The following SBF2 variants were observed in gnomAD, a reference collection of about 807,000 sequenced individuals.
SBF2 encodes the protein SET binding factor 2.
SBF2 carries 112 observed loss-of-function variants against 225.2 expected under a neutral mutation model. That is an observed-to-expected ratio of 0.50 (90% CI 0.43 to 0.58). The LOEUF is 0.58. Among genes scored for constraint, SBF2 ranks in the 20% least tolerant of loss-of-function variants. The probability of loss-of-function intolerance (pLI) is 0.00; values close to 1 mark genes in which losing one functional copy is unlikely to be tolerated. For synonymous variants in SBF2, 763 were observed against 773.3 expected (o/e 0.99, Z 0.22); for missense variants, 1,996 against 2,206.2 (o/e 0.90, Z 1.91).
intron 2 of SBF2, among the ~76,000 whole-genome samples, chr11:10,087,403 A>G (rs546078988): frequency 5.9e-5 from 9 of 152,272 alleles, no homozygotes; most frequent in African/African-American, 2.2e-4. Context: ...CTGGTTGCTG[A>G]TTTTAACAAT....
intron 17 of SBF2, among the ~76,000 whole-genome samples, chr11:9,860,493 G>A (rs548713854): frequency 6.6e-6 from 1 of 152,018 alleles, no homozygotes; most frequent in African/African-American, 2.4e-5. Context: ...AGGTTGCAGT[G>A]AGATGAGATG....
intron 6 of SBF2, among the ~76,000 whole-genome samples, chr11:10,003,854 T>C (rs1029596989): frequency 7.9e-5 from 12 of 152,136 alleles, no homozygotes; most frequent in African/African-American, 2.9e-4. Flanking sequence ...TTCTCCTGTT[T>C]ATTACTGAAC....
At chr11:10,261,039 G>A (rs968839453) in intron 1 of SBF2, among the ~76,000 whole-genome samples, 2 of 152,038 alleles carry the variant, frequency 1.3e-5, no homozygotes, top group Non-Finnish European at 2.9e-5. Flanking sequence ...CTTCACCAAA[G>A]AGCAGAAGAA....
chr11:9,970,652 AAC>A (rs1322850940), intron 13 of SBF2, among the ~76,000 whole-genome samples: 1 of 152,210 alleles, frequency 6.6e-6, no homozygotes, highest in Non-Finnish European at 1.5e-5. Flanking sequence ...TAAGTGTCAA[AAC>A]ACATGGGTTC....
At chr11:10,050,204 GACAA>G (rs2134710888) in intron 2 of SBF2, among the ~76,000 whole-genome samples, 1 of 152,228 alleles carries the variant, frequency 6.6e-6, no homozygotes, top group East Asian at 1.9e-4. Flanking sequence ...TTTCAATAAG[GACAA>G]ACAAAATCCC....
At chr11:9,826,298 A>C (rs1029717032) in intron 28 of SBF2, among the ~76,000 whole-genome samples, 2 of 152,210 alleles carry the variant, frequency 1.3e-5, no homozygotes, top group Admixed American at 6.5e-5. Context: ...GAGAACACCT[A>C]GAGTGCTGGG....
At chr11:10,169,973 T>C (rs759892766) in intron 2 of SBF2, among the ~76,000 whole-genome samples, 4 of 152,244 alleles carry the variant, frequency 2.6e-5, no homozygotes, top group Non-Finnish European at 5.9e-5. Flanking sequence ...GCCATTCATA[T>C]GTCTTCCTTT....
chr11:10,119,484 T>C (rs1953328806), intron 2 of SBF2, among the ~76,000 whole-genome samples: 1 of 152,202 alleles, frequency 6.6e-6, no homozygotes, highest in Non-Finnish European at 1.5e-5. Context: ...TTAACTGTTC[T>C]TAGGCCACTG....
chr11:10,203,052 G>T (rs1462405500), intron 1 of SBF2, among the ~76,000 whole-genome samples: 1 of 151,770 alleles, frequency 6.6e-6, no homozygotes, highest in East Asian at 1.9e-4. Context: ...GCTGGGGTGG[G>T]GGGGTGAGAG....
intron 16 of SBF2, among the ~76,000 whole-genome samples, chr11:9,948,837 T>C (rs2134318594): frequency 6.6e-6 from 1 of 152,340 alleles, no homozygotes; most frequent in Middle Eastern, 3.4e-3. Flanking sequence ...TTTTCCATAT[T>C]TGTACTCACT....
intron 2 of SBF2, among the ~76,000 whole-genome samples, chr11:10,065,484 T>TA (rs546398240): frequency 5.9e-5 from 9 of 151,806 alleles, no homozygotes; most frequent in Non-Finnish European, 1.3e-4. Flanking sequence ...TTCTTTGAGA[T>TA]AAAAAAAACT....
At chr11:10,127,699 A>T (rs1284464253) in intron 2 of SBF2, among the ~76,000 whole-genome samples, 1 of 152,182 alleles carries the variant, frequency 6.6e-6, no homozygotes, top group East Asian at 1.9e-4. Context: ...TATCTACTGG[A>T]ATAAGACCGA....
chr11:10,166,986 C>T (rs1000526878), intron 2 of SBF2, among the ~76,000 whole-genome samples: 3 of 151,594 alleles, frequency 2.0e-5, no homozygotes, highest in Non-Finnish European at 4.4e-5. Context: ...CACACACACA[C>T]ACAAAAAGGC....
chr11:9,932,694 C>T (rs1864583819), intron 16 of SBF2, among the ~76,000 whole-genome samples: 1 of 151,988 alleles, frequency 6.6e-6, no homozygotes. Context: ...TTGTAAAGAC[C>T]ATCAATGTTA....
At chr11:10,111,272 C>A (rs1261187955) in intron 2 of SBF2, among the ~76,000 whole-genome samples, 1 of 150,104 alleles carries the variant, frequency 6.7e-6, no homozygotes, top group Admixed American at 6.7e-5. Context: ...AAGAAAATTT[C>A]CAGCCAAGAA....
chr11:10,064,386 C>G (rs972647982), intron 2 of SBF2, among the ~76,000 whole-genome samples: 1 of 151,928 alleles, frequency 6.6e-6, no homozygotes, highest in Non-Finnish European at 1.5e-5. Context: ...AAGGACTTAA[C>G]CTAAAAGAAG....
intron 2 of SBF2, among the ~76,000 whole-genome samples, chr11:10,148,786 C>T (rs1955015248): frequency 6.6e-6 from 1 of 152,120 alleles, no homozygotes; most frequent in Admixed American, 6.6e-5. Context: ...GGTTGCTAAT[C>T]TGTAGCATTA....
chr11:10,196,255 T>C (rs1213008136), intron 1 of SBF2, among the ~76,000 whole-genome samples: 1 of 152,194 alleles, frequency 6.6e-6, no homozygotes, highest in African/African-American at 2.4e-5. Flanking sequence ...TGTTTTAAGT[T>C]TATTCCTCCC....
chr11:10,103,520 T>G (rs1321257188), intron 2 of SBF2, among the ~76,000 whole-genome samples: 3 of 152,200 alleles, frequency 2.0e-5, no homozygotes, highest in African/African-American at 7.2e-5. Context: ...GCCACAAAAG[T>G]AACAAATTTC....
Sources: gnomAD v4.1 joint callset for allele counts (sites outside exome capture counted in the v4.1 genomes callset) on GRCh38, gnomAD v4.1.1 for gene constraint, MANE v1.5 for transcripts, NCBI Gene and HGNC (gene_info 2026-07-23, HGNC 2026-07-21) for gene names.